MAST4: variants seen among roughly 807,000 people sequenced by gnomAD.
MAST4 encodes the protein microtubule-associated serine/threonine-protein kinase 4.
MAST4 carries 89 observed loss-of-function variants against 162.7 expected under a neutral mutation model. That is an observed-to-expected ratio of 0.55 (90% CI 0.46 to 0.65). MAST4 has a LOEUF of 0.65. Ranked by LOEUF, MAST4 falls within the 30% of genes least tolerant of loss-of-function variation. The probability of loss-of-function intolerance (pLI) is 0.00; values close to 1 mark genes in which losing one functional copy is unlikely to be tolerated. For missense variants in MAST4, 3,153 were observed against 3,374.0 expected (o/e 0.93, Z 1.62); for synonymous variants, 1,479 against 1,361.1 (o/e 1.09, Z -1.91).
chr5:66,751,069 A>C (rs1031029381), intron 1 of MAST4, among the ~76,000 whole-genome samples: 1 of 151,956 alleles, frequency 6.6e-6, no homozygotes, highest in African/African-American at 2.4e-5. Context: ...ATTCGAACAG[A>C]CCTGCAGCTG....
chr5:66,759,942 A>G (rs915916620), intron 2 of MAST4, 80 bp downstream of exon 2: 1 of 1,485,540 alleles, frequency 6.7e-7, no homozygotes, highest in African/African-American at 1.4e-5. Flanking sequence ...TCCACATGTA[A>G]TCAGCTTTCT....
At chr5:66,631,734 A>G (rs541833441) in intron 1 of MAST4, among the ~76,000 whole-genome samples, 2 of 152,322 alleles carry the variant, frequency 1.3e-5, no homozygotes, top group Admixed American at 1.3e-4. Context: ...TACATTTTGC[A>G]TGATTTAACA....
chr5:66,722,788 G>C (rs1751297277), intron 1 of MAST4, among the ~76,000 whole-genome samples: 2 of 152,174 alleles, frequency 1.3e-5, no homozygotes, highest in Admixed American at 1.3e-4. Context: ...GGAGAGAGAT[G>C]ACTGGTTAGG....
At chr5:66,761,782 C>G (rs1753863386) in intron 2 of MAST4, among the ~76,000 whole-genome samples, 1 of 152,172 alleles carries the variant, frequency 6.6e-6, no homozygotes, top group Admixed American at 6.5e-5. Context: ...TTTACTGATG[C>G]TCTTCTAATG....
chr5:66,629,257 A>G (rs894825098), intron 1 of MAST4, among the ~76,000 whole-genome samples: 1 of 152,202 alleles, frequency 6.6e-6, no homozygotes, highest in African/African-American at 2.4e-5. Context: ...TTGCCCCCAG[A>G]TTCCTGAAGA....
chr5:67,094,478 C>T (rs185620006), intron 6 of MAST4, among the ~76,000 whole-genome samples: 7 of 152,236 alleles, frequency 4.6e-5, no homozygotes, highest in Admixed American at 2.0e-4. Context: ...CGTAATAACA[C>T]GAATTACAAA....
chr5:67,153,349 TAGAG>T, intron 25 of MAST4, 105 bp from the exon 26 acceptor site: 1 of 1,140,570 alleles, frequency 8.8e-7, no homozygotes. Flanking sequence ...GATTTTCTAT[TAGAG>T]GCTTAGGACA....
intron 1 of MAST4, among the ~76,000 whole-genome samples, chr5:66,643,923 C>A (rs1045171291): frequency 6.7e-6 from 1 of 148,834 alleles, no homozygotes; most frequent in Non-Finnish European, 1.5e-5. Flanking sequence ...ACCCAAATAG[C>A]CTTCAGAAGT....
In MAST4 at chr5:67,163,975, T is replaced by G. The variant is rs764259917; in HGVS notation, c.4796T>G (p.Leu1599Arg). The G allele has an allele frequency of 6.2e-7, 1 of 1,608,610 alleles. No homozygotes were observed. Among genetic ancestry groups the G allele is most frequent in the Non-Finnish European group, 8.5e-7 (1 of 1,177,610 alleles). The change falls in exon 29 of 29, where the codon CTG becomes CGG. Residue 1599 changes from leucine to arginine, a missense_variant. Around this residue, in one of 7 missense-constraint regions of MAST4, gnomAD observed 1,644 missense variants for 1,495.0 expected, o/e 1.10. Coordinates refer to ENST00000403625, the MANE Select transcript of MAST4 (RefSeq NM_001164664.2). The surrounding 1 kb of genome is among the most constrained non-coding windows in gnomAD (Gnocchi z 7.0). The part of the protein sequence containing the change: ...NKASMQEAPP[L>R]GSLLKDALHK... ...GCGTCTATGCAGGAGGCGCCACCGC[T>G]GGGCAGCCTGCTGAAGGATGCTCTT...
At chr5:67,131,160 A>T (rs867426453) in intron 15 of MAST4, among the ~76,000 whole-genome samples, 8 of 152,258 alleles carry the variant, frequency 5.3e-5, no homozygotes, top group East Asian at 1.9e-4. Flanking sequence ...GACTTACTAG[A>T]TAGAGTGGTA....
intron 5 of MAST4, among the ~76,000 whole-genome samples, chr5:67,061,820 CAA>C (rs113115367): frequency 1.2e-3 from 112 of 94,114 alleles, no homozygotes; most frequent in Middle Eastern, 6.3e-3. Flanking sequence ...AGTTCTTGGG[CAA>C]AAAAAAAAAA....
At chr5:66,740,742 A>G (rs1752437176) in intron 1 of MAST4, among the ~76,000 whole-genome samples, 1 of 152,200 alleles carries the variant, frequency 6.6e-6, no homozygotes, top group Non-Finnish European at 1.5e-5. Flanking sequence ...TGGATCAGGT[A>G]CAGTCGTCGC....
chr5:66,909,967 C>T (rs1209668939), intron 4 of MAST4, among the ~76,000 whole-genome samples: 7 of 152,184 alleles, frequency 4.6e-5, no homozygotes, highest in East Asian at 1.9e-4. Context: ...TTGGGACTCT[C>T]GAGCCATGTG....
intron 3 of MAST4, among the ~76,000 whole-genome samples, chr5:66,881,827 C>A (rs554589797): frequency 6.6e-6 from 1 of 152,156 alleles, no homozygotes. Context: ...TCATTTGCCC[C>A]CAAGTCCCCT....
intron 1 of MAST4, among the ~76,000 whole-genome samples, chr5:66,615,890 C>T (rs1353069314): frequency 1.3e-5 from 2 of 152,188 alleles, no homozygotes; most frequent in East Asian, 3.9e-4. Flanking sequence ...TCTATCCCTC[C>T]CATTTGCCTG....
At chr5:66,647,971 A>G (rs1023582269) in intron 1 of MAST4, among the ~76,000 whole-genome samples, 1 of 151,662 alleles carries the variant, frequency 6.6e-6, no homozygotes, top group Admixed American at 6.6e-5. Flanking sequence ...TTGATGCTCT[A>G]CAACTTGAGG....
At chr5:66,695,660 C>T (rs923355664) in intron 1 of MAST4, among the ~76,000 whole-genome samples, 6 of 152,054 alleles carry the variant, frequency 3.9e-5, no homozygotes, top group African/African-American at 1.2e-4. Flanking sequence ...GAGATACCAT[C>T]TCATGCTAGT....
rs1770480561 is a variant in MAST4, at chr5:67,142,210, T to C, written c.2590T>C (p.Ser864Pro). Residue 864 changes from serine to proline, a missense_variant, in exon 20 of 29, where the codon TCT (serine) becomes CCT (proline). Coordinates refer to ENST00000403625, the MANE Select transcript of MAST4 (RefSeq NM_001164664.2). Reference protein sequence around the residue: ...QKAEFIPQLESEDDTSYFDTR... With the variant: ...QKAEFIPQLEPEDDTSYFDTR... The stretch of plus-strand genomic sequence containing the variant: ...GGCAGAATTTATTCCCCAACTGGAA[T>C]CTGAGGATGACACAAGTTATTTTGA... 1 of 1,613,814 alleles carries C rather than the reference T, an allele frequency of 6.2e-7. No homozygotes were observed.
intron 4 of MAST4, among the ~76,000 whole-genome samples, chr5:67,027,035 GATT>G (rs1253339963): frequency 6.6e-6 from 1 of 151,998 alleles, no homozygotes; most frequent in East Asian, 1.9e-4. Flanking sequence ...TTTTACATAA[GATT>G]ATTATCTTCA....
Sources: gnomAD v4.1 joint callset for allele counts (sites outside exome capture counted in the v4.1 genomes callset) on GRCh38, gnomAD v4.1.1 for gene constraint, gnomAD v4.1.1 regional missense constraint, Gnocchi (gnomAD v3.1) non-coding constraint, MANE v1.5 for transcripts, NCBI Gene and HGNC (gene_info 2026-07-23, HGNC 2026-07-21) for gene names.